The following DNPEP variants were observed in gnomAD, a reference collection of about 807,000 sequenced individuals.
DNPEP encodes the protein aspartyl aminopeptidase.
Under a neutral mutation model 59.1 loss-of-function variants are expected in DNPEP, and 46 were observed. The ratio of observed to expected loss-of-function variants is 0.78; its 90% confidence interval spans 0.61 to 0.99. The LOEUF (loss-of-function observed/expected upper bound fraction) is 0.99. DNPEP is among the 50% of genes least tolerant of loss of function. The probability of loss-of-function intolerance (pLI) is 0.00; values close to 1 mark genes in which losing one functional copy is unlikely to be tolerated. For synonymous variants in DNPEP, 229 were observed against 242.2 expected (o/e 0.95, Z 0.50); for missense variants, 617 against 649.9 (o/e 0.95, Z 0.55).
At position 219,373,238 on chromosome 2, in the gene DNPEP, T is replaced by C. The variant is rs1953247929; in HGVS notation, c.*1054A>G. Among the ~76,000 whole-genome samples, 1 of 151,934 alleles carries C rather than the reference T, an allele frequency of 6.6e-6. No homozygotes were observed. The highest frequency in any genetic ancestry group is 1.5e-5 in the Non-Finnish European group (1 of 68,000). On this transcript the variant is annotated 3_prime_UTR_variant, in exon 15 of 15. Coordinates refer to ENST00000273075, the MANE Select transcript of DNPEP (RefSeq NM_012100.4). Reference sequence around the variant, plus strand: ...CATGTGCCACCACGCCCGGCTAATTTTGTATTTTTAGCAGGGACAGGGTTT... The same window carrying C: ...CATGTGCCACCACGCCCGGCTAATTCTGTATTTTTAGCAGGGACAGGGTTT...
intron 4 of DNPEP, 48 bp from the exon 5 acceptor site, chr2:219,386,459 G>T: frequency 6.2e-7 from 1 of 1,611,324 alleles, no homozygotes; most frequent in Middle Eastern, 1.7e-4. Flanking sequence ...GACGATATGT[G>T]GAGATGAGAC....
Position 219,386,976 on chromosome 2 carries a change from C to T in DNPEP, c.135G>A (p.Val45=). The T allele has an allele frequency of 6.2e-7, 1 of 1,614,048 alleles. No individual in the cohort carries two copies. The highest frequency in any genetic ancestry group is 2.2e-5 in the East Asian group (1 of 44,868). ...VNRSPSPFHA[V]AECRNRLLQA... The stretch of plus-strand genomic sequence containing the variant: ...GGAGAAGGCGGTTGCGGCATTCAGC[C>T]ACAGCTGTGGGAAAAGCACCCTCTC... Residue 45 remains valine, a synonymous_variant, in exon 3 of 15, where the codon GTG becomes GTA. Transcript: ENST00000273075.
At chr2:219,377,141 G>A (rs374691868) in intron 13 of DNPEP, among the ~76,000 whole-genome samples, 9 of 151,738 alleles carry the variant, frequency 5.9e-5, no homozygotes, top group African/African-American at 2.2e-4. Context: ...GGGCATCGTG[G>A]TGCACACTTG....
chr2:219,399,953 T>C lies in DNPEP; in HGVS notation c.-171A>G, dbSNP rs551449342. 8.1e-4 allele frequency: 1,255 copies of C among 1,543,962 alleles called. 13 individuals carry two copies. Among genetic ancestry groups the C allele is most frequent in the Middle Eastern group, 8.4e-4 (5 of 5,982 alleles). On this transcript the variant is annotated 5_prime_UTR_variant, in exon 1 of 7. Coordinates refer to the DNPEP transcript ENST00000434339. ...TGACCTGCTCACCTCCTCCCAAGGC[T>C]GGAGTGGACAGGCCTGAACCGTGTG...
At chr2:219,383,096 C>T (rs1473619660) in intron 10 of DNPEP, 35 bp downstream of exon 10, 26 of 1,597,716 alleles carry the variant, frequency 1.6e-5, no homozygotes, top group Admixed American at 1.0e-4. Flanking sequence ...TGGAAGACTC[C>T]GCAGAGGTGA....
intron 8 of DNPEP, chr2:219,384,916 C>A: frequency 6.0e-6 from 1 of 167,176 alleles, no homozygotes; most frequent in South Asian, 1.5e-4. Flanking sequence ...AGGGTGGAGG[C>A]CAATAGCTCT....
chr2:219,387,276 AC>A, intron 1 of DNPEP, 113 bp from the exon 2 acceptor site: 7 of 1,464,402 alleles, frequency 4.8e-6, no homozygotes, highest in Non-Finnish European at 6.3e-6. Flanking sequence ...TAAGGCACAG[AC>A]CTCTGCTTCC....
chr2:219,388,867 T>C (rs564639447), upstream of DNPEP: 2 of 985,456 alleles, frequency 2.0e-6, no homozygotes. Context: ...CCATCAACTA[T>C]GTACTCTTAC....
In DNPEP at chr2:219,372,059, T is replaced by C. The variant is rs1953208555; in HGVS notation, c.*2233A>G. ...TGATATATGTACATTTATCTCAATGTTATTTAGAGTTGTCAACTGGAGAAA... is the reference window on the plus strand; with the variant it reads ...TGATATATGTACATTTATCTCAATGCTATTTAGAGTTGTCAACTGGAGAAA... On this transcript the variant is annotated 3_prime_UTR_variant, in exon 15 of 15. Transcript: ENST00000273075. Among the ~76,000 whole-genome samples, 1 of 152,200 alleles carries C rather than the reference T, an allele frequency of 6.6e-6. No homozygotes were observed. The highest frequency in any genetic ancestry group is 1.5e-5 in the Non-Finnish European group (1 of 68,044).
rs111752777 is a variant in DNPEP at position 219,373,909 on chromosome 2, C to T, written c.*383G>A. On this transcript the variant is annotated 3_prime_UTR_variant, in exon 15 of 15. Coordinates refer to ENST00000273075, the MANE Select transcript of DNPEP (RefSeq NM_012100.4). Reference sequence around the variant, plus strand: ...CAGAACAGGATCTCTGAAGGCAGAGCGGGACACCCATTCTGGGGATGGAAA... The same window carrying T: ...CAGAACAGGATCTCTGAAGGCAGAGTGGGACACCCATTCTGGGGATGGAAA... The T allele has an allele frequency of 6.2e-3, 1,460 of 235,636 alleles. 27 individuals are homozygous for T. Among genetic ancestry groups the T allele is most frequent in the African/African-American group, 0.03 (1,382 of 45,348 alleles). The allele number at this position is 235,636 out of a possible 1,614,324, so 14.6% of individuals were successfully genotyped here.
In DNPEP at chr2:219,372,961, G is replaced by A. The variant is rs1574964150; in HGVS notation, c.*1331C>T. The stretch of plus-strand genomic sequence containing the variant: ...GAAAGCTGAAGTGGAATATTTATAT[G>A]GAAATAAACTTTTATATAGGTATCA... On this transcript the variant is annotated 3_prime_UTR_variant, in exon 15 of 15. Transcript: ENST00000273075. Among the ~76,000 whole-genome samples, 1 of 152,124 alleles carries A rather than the reference G, an allele frequency of 6.6e-6. No individual in the cohort carries two copies. Among genetic ancestry groups the A allele is most frequent in the African/African-American group, 2.4e-5 (1 of 41,508 alleles).
At chr2:219,387,397 C>G in intron 1 of DNPEP, 1 of 1,438,740 alleles carries the variant, frequency 7.0e-7, no homozygotes, top group Non-Finnish European at 9.1e-7. Flanking sequence ...AACTTTAGCC[C>G]GACTCCCTAA....
At chr2:219,379,718 C>T (rs549111023) in intron 13 of DNPEP, among the ~76,000 whole-genome samples, 59 of 151,980 alleles carry the variant, frequency 3.9e-4, no homozygotes, top group African/African-American at 1.3e-3. Flanking sequence ...GTCAGGAGTT[C>T]GAGACCAGCC....
chr2:219,388,143 C>T (rs1953936131), upstream of DNPEP: 1 of 218,160 alleles, frequency 4.6e-6, no homozygotes, highest in Non-Finnish European at 8.6e-6. Context: ...CCGCCCTGCC[C>T]CTCGCAGGGC....
chr2:219,377,077 C>T (rs1953402331), intron 13 of DNPEP, among the ~76,000 whole-genome samples: 1 of 151,866 alleles, frequency 6.6e-6, no homozygotes, highest in Non-Finnish European at 1.5e-5. Flanking sequence ...AGTTCAAGAC[C>T]AGTCTGGCCA....
At chr2:219,382,307 G>T (rs1313081402) in intron 10 of DNPEP, among the ~76,000 whole-genome samples, 168 bp from the exon 11 acceptor site, 1 of 152,184 alleles carries the variant, frequency 6.6e-6, no homozygotes, top group East Asian at 1.9e-4. Context: ...ACAGTGGGCT[G>T]AGACCAAACT....
chr2:219,397,354 G>C (rs1157775751), intron 1 of DNPEP, among the ~76,000 whole-genome samples: 1 of 151,528 alleles, frequency 6.6e-6, no homozygotes, highest in Non-Finnish European at 1.5e-5. Context: ...AGAGCTAATT[G>C]GTTTTTTGTT....
rs748655148 is a variant in DNPEP, at chr2:219,383,276, C to A, written c.853-62G>T. 282 of 1,491,600 alleles carry A rather than the reference C, an allele frequency of 1.9e-4. 2 individuals carry two copies. The highest frequency in any genetic ancestry group is 2.6e-4 in the Non-Finnish European group (278 of 1,070,658). 92.4% of individuals were successfully genotyped at this position (1,491,600 alleles called of 1,614,324 possible). A position where few individuals can be genotyped will look rare whatever the true frequency, so the allele number is the denominator to read the frequency against. On this transcript the variant is annotated intron_variant, in intron 9 of 14. Transcript: ENST00000273075. Reference sequence around the variant, plus strand: ...CCTGCTTCTGCTGGAACTCAGCCCACCAGCACCTTGGGTGTGCACGCTCCC... The same window carrying A: ...CCTGCTTCTGCTGGAACTCAGCCCAACAGCACCTTGGGTGTGCACGCTCCC...
chr2:219,389,687 G>A (rs1209515733), upstream of DNPEP, among the ~76,000 whole-genome samples: 1 of 151,942 alleles, frequency 6.6e-6, no homozygotes, highest in African/African-American at 2.4e-5. Context: ...AAAATTAGCC[G>A]GGTGTAGTGG....
Sources: allele counts gnomAD v4.1 joint callset (sites outside exome capture counted in the v4.1 genomes callset), GRCh38; gene constraint gnomAD v4.1.1; transcripts MANE v1.5; gene names NCBI Gene and HGNC (gene_info 2026-07-23, HGNC 2026-07-21).